GPR89B: variants seen among roughly 807,000 people sequenced by gnomAD.
The protein encoded by GPR89B is golgi pH regulator B, also known as G protein-coupled receptor 89B.
GPR89B carries 25 observed loss-of-function variants against 52.4 expected under a neutral mutation model. The ratio of observed to expected loss-of-function variants is 0.48; its 90% CI spans 0.35 to 0.67. The LOEUF (loss-of-function observed/expected upper bound fraction) is 0.67. Ranked by LOEUF, GPR89B falls within the 30% of genes least tolerant of loss-of-function variation. The probability of loss-of-function intolerance (pLI) is 0.01; values close to 1 mark genes in which losing one functional copy is unlikely to be tolerated. For missense variants in GPR89B, 146 were observed against 450.2 expected, an observed-to-expected ratio of 0.32 and a Z score of 6.11; for synonymous variants, 52 against 151.2, an observed-to-expected ratio of 0.34 and a Z score of 4.81.
chr1:147,982,195 G>C (rs1658307286), intron 10 of GPR89B, among the ~76,000 whole-genome samples: 1 of 151,600 alleles, frequency 6.6e-6, no homozygotes, highest in African/African-American at 2.4e-5. Context: ...AAGTAGCTCA[G>C]GTTACAGGCA....
In GPR89B at chr1:147,940,735, C is replaced by T. The variant is rs146950425; in HGVS notation, c.206+1918C>T. 2.7e-3 allele frequency among the ~76,000 whole-genome samples: 409 copies of T among 152,186 alleles called. 1 individual carries two copies. Among genetic ancestry groups the T allele is most frequent in the Non-Finnish European group, 4.9e-3 (336 of 68,004 alleles). Reference sequence around the variant, plus strand: ...AAACTTAATTTGTAAAAACAGGTGGCTGTGAGGCCATAGTTTGCCAGCTAC... The same window carrying T: ...AAACTTAATTTGTAAAAACAGGTGGTTGTGAGGCCATAGTTTGCCAGCTAC... On this transcript the variant is annotated intron_variant, in intron 3 of 13. Transcript: ENST00000314163.
At chr1:147,999,323 T>G in the GPR89B span, among the ~76,000 whole-genome samples, 1 of 151,442 alleles carries the variant, frequency 6.6e-6, no homozygotes, top group Non-Finnish European at 1.5e-5. Context: ...AAAAAAAATG[T>G]GTGGCCCGGG....
chr1:148,016,681 C>T, the GPR89B span, among the ~76,000 whole-genome samples: 310 of 151,816 alleles, frequency 2.0e-3, 5 homozygotes, highest in African/African-American at 6.9e-3. Context: ...TGAGTGAGGC[C>T]GGGAATTGGA....
At chr1:147,994,582 G>A (rs1198409881), downstream of GPR89B, among the ~76,000 whole-genome samples, 1 of 152,172 alleles carries the variant, frequency 6.6e-6, no homozygotes, top group Non-Finnish European at 1.5e-5. Context: ...ATCTAGGTAT[G>A]ACTAGAAGTC....
chr1:147,948,882 G>GT (rs1446135729), intron 5 of GPR89B, among the ~76,000 whole-genome samples: 3 of 151,650 alleles, frequency 2.0e-5, no homozygotes, highest in Non-Finnish European at 4.4e-5. Flanking sequence ...AAGGTCTCTG[G>GT]TTTTCCTATG....
At chr1:147,956,383 G>A (rs1157407802) in intron 7 of GPR89B, among the ~76,000 whole-genome samples, 2 of 152,260 alleles carry the variant, frequency 1.3e-5, no homozygotes, top group African/African-American at 4.8e-5. Context: ...TCAGTTTTTT[G>A]TGGTTCCATA....
intron 7 of GPR89B, among the ~76,000 whole-genome samples, chr1:147,966,312 T>C (rs1657038906): frequency 6.6e-6 from 1 of 151,652 alleles, no homozygotes; most frequent in South Asian, 2.1e-4. Context: ...AGCTTCCAAA[T>C]AGCAGAGCCA....
At chr1:148,021,525 C>T in the GPR89B span, among the ~76,000 whole-genome samples, 1 of 151,144 alleles carries the variant, frequency 6.6e-6, no homozygotes, top group Admixed American at 6.6e-5. Flanking sequence ...TGGGGTGGGG[C>T]GGACACAAGC....
At chr1:148,008,237 A>G in the GPR89B span, among the ~76,000 whole-genome samples, 2 of 152,204 alleles carry the variant, frequency 1.3e-5, no homozygotes, top group African/African-American at 4.8e-5. Flanking sequence ...TCATGAAGAG[A>G]CCATTTTCCT....
At chr1:147,965,731 C>G (rs1313379234) in intron 7 of GPR89B, among the ~76,000 whole-genome samples, 1 of 152,050 alleles carries the variant, frequency 6.6e-6, no homozygotes, top group Non-Finnish European at 1.5e-5. Context: ...TGCAATTTTG[C>G]TATTTTTTTT....
At chr1:147,986,393 T>C in intron 11 of GPR89B, 99 bp downstream of exon 11, 3 of 1,490,934 alleles carry the variant, frequency 2.0e-6, no homozygotes, top group Non-Finnish European at 2.7e-6. Flanking sequence ...AGGTACTTGC[T>C]TCTGCTTTTG....
chr1:148,000,798 A>G, the GPR89B span, among the ~76,000 whole-genome samples: 1 of 147,984 alleles, frequency 6.8e-6, no homozygotes, highest in Non-Finnish European at 1.5e-5. Flanking sequence ...AAAAAAAACA[A>G]CAACAAAAAA....
chr1:148,006,963 C>T, the GPR89B span, among the ~76,000 whole-genome samples: 1 of 151,762 alleles, frequency 6.6e-6, no homozygotes, highest in East Asian at 1.9e-4. Context: ...GTAATCCACT[C>T]GCCTCGCACT....
intron 10 of GPR89B, among the ~76,000 whole-genome samples, chr1:147,985,203 C>T (rs1262881085): frequency 6.6e-6 from 1 of 152,000 alleles, no homozygotes; most frequent in Non-Finnish European, 1.5e-5. Context: ...TTTTATCATT[C>T]TGAAATGACC....
At chr1:147,972,079 A>G (rs1417818859) in intron 10 of GPR89B, among the ~76,000 whole-genome samples, 5,953 of 151,508 alleles carry the variant, frequency 0.039, 187 homozygotes, top group African/African-American at 0.059. Context: ...TACAGTATGT[A>G]TCCTTTTTCT....
intron 1 of GPR89B, 24 bp downstream of exon 1, chr1:147,928,602 A>G (rs587599311): frequency 6.2e-7 from 1 of 1,613,612 alleles, no homozygotes; most frequent in South Asian, 1.1e-5. Context: ...TCCCGCCCCG[A>G]CACCCGTCCG....
chr1:147,973,376 C>T (rs1170543458), intron 10 of GPR89B, among the ~76,000 whole-genome samples: 1 of 151,894 alleles, frequency 6.6e-6, no homozygotes, highest in Non-Finnish European at 1.5e-5. Flanking sequence ...GATGGTAGCT[C>T]ATTGTGGTTT....
chr1:147,964,321 A>G (rs1354743448), intron 7 of GPR89B, among the ~76,000 whole-genome samples: 1 of 152,068 alleles, frequency 6.6e-6, no homozygotes, highest in Non-Finnish European at 1.5e-5. Flanking sequence ...TTTAAACCTC[A>G]GTAGACATTT....
the GPR89B span, among the ~76,000 whole-genome samples, chr1:147,998,901 ATG>A: frequency 1.4e-5 from 2 of 145,284 alleles, no homozygotes; most frequent in African/African-American, 5.1e-5. Flanking sequence ...AAAAAAAAAA[ATG>A]AGATTTTATT....
Sources: allele counts gnomAD v4.1 joint callset (sites outside exome capture counted in the v4.1 genomes callset), GRCh38; gene constraint gnomAD v4.1.1; transcripts MANE v1.5; gene names NCBI Gene and HGNC (gene_info 2026-07-23, HGNC 2026-07-21).